Variants in MAJIN observed in about 807,000 individuals in gnomAD.
MAJIN encodes the protein membrane-anchored junction protein.
Under a neutral mutation model 30.2 loss-of-function variants are expected in MAJIN, and 27 were observed. The observed-to-expected ratio is 0.89, with a 90% CI of 0.66 to 1.23. The LOEUF (loss-of-function observed/expected upper bound fraction) is 1.23. Ranked by LOEUF, MAJIN falls within the 50% of genes most tolerant of loss-of-function variation. The probability of loss-of-function intolerance (pLI) is 0.00; values close to 1 mark genes in which losing one functional copy is unlikely to be tolerated. For synonymous variants in MAJIN, 78 were observed against 91.6 expected (o/e 0.85, Z 0.85); for missense variants, 253 against 260.3 (o/e 0.97, Z 0.19).
intron 4 of MAJIN, among the ~76,000 whole-genome samples, chr11:64,951,421 C>G (rs1945549181): frequency 6.6e-6 from 1 of 152,108 alleles, no homozygotes; most frequent in South Asian, 2.1e-4. Context: ...TCAATCCCAG[C>G]CTTGTCATTT....
rs58387921 is a variant in MAJIN at position 64,966,145 on chromosome 11, GAAAA to G, written c.-65+5728_-65+5731del. ...ACATGTAAGGAAGAAGATTAAAAAT[GAAAA>G]AAAAAAAAAAAAAAAAGCAGCAGCA... On this transcript the variant is annotated intron_variant, in intron 1 of 10. Coordinates refer to ENST00000301896, the MANE Select transcript of MAJIN (RefSeq NM_001037225.3). Among the ~76,000 whole-genome samples, 3 of 57,100 alleles carry G rather than the reference GAAAA, an allele frequency of 5.3e-5. No individual in the cohort carries two copies. The Admixed American group carries it at 8.9e-4, about 17-fold the overall frequency. The allele number at this position is 57,100 out of a possible 152,430, so 37.5% of individuals were successfully genotyped here. A position where few individuals can be genotyped will look rare whatever the true frequency, so the allele number is the denominator to read the frequency against.
intron 1 of MAJIN, among the ~76,000 whole-genome samples, chr11:64,962,742 G>GT (rs906677747): frequency 6.6e-5 from 10 of 152,288 alleles, no homozygotes; most frequent in African/African-American, 9.6e-5. Flanking sequence ...AGATAATGCT[G>GT]TAAGTAGCTA....
intron 3 of MAJIN, among the ~76,000 whole-genome samples, chr11:64,958,204 C>G (rs938664003): frequency 3.3e-5 from 5 of 151,576 alleles, no homozygotes; most frequent in Non-Finnish European, 7.4e-5. Flanking sequence ...CCCACCTCGG[C>G]CTCCCAAAGT....
chr11:64,969,158 G>A (rs1463178592), intron 1 of MAJIN, among the ~76,000 whole-genome samples: 2 of 152,202 alleles, frequency 1.3e-5, no homozygotes, highest in East Asian at 3.8e-4. Flanking sequence ...TAGGGAAAGA[G>A]ATTTGGGGTG....
chr11:64,964,073 A>G (rs1945768920), intron 1 of MAJIN, among the ~76,000 whole-genome samples: 1 of 152,038 alleles, frequency 6.6e-6, no homozygotes, highest in Non-Finnish European at 1.5e-5. Flanking sequence ...CCTCCCACGT[A>G]GCTGGGATTA....
At chr11:64,971,427 C>CAAA (rs35873962) in intron 1 of MAJIN, among the ~76,000 whole-genome samples, 1 of 68,798 alleles carries the variant, frequency 1.5e-5, no homozygotes, top group Non-Finnish European at 2.8e-5. Context: ...GACCCCGCCT[C>CAAA]AAAAAAAAAA....
chr11:64,957,257 T>C (rs1268074620), intron 3 of MAJIN, among the ~76,000 whole-genome samples: 4 of 151,890 alleles, frequency 2.6e-5, no homozygotes, highest in Non-Finnish European at 5.9e-5. Flanking sequence ...TTCTTTTATT[T>C]TTTGTAGAGA....
At chr11:64,962,896 G>C (rs1174269507) in intron 1 of MAJIN, among the ~76,000 whole-genome samples, 1 of 152,098 alleles carries the variant, frequency 6.6e-6, no homozygotes, top group Non-Finnish European at 1.5e-5. Flanking sequence ...GGAGGCTCAG[G>C]TGGGCAGACC....
intron 8 of MAJIN, among the ~76,000 whole-genome samples, chr11:64,943,552 C>T (rs1200932035): frequency 6.6e-6 from 1 of 152,234 alleles, no homozygotes; most frequent in Non-Finnish European, 1.5e-5. Context: ...AAGTGACTTA[C>T]ACTGAGAGTC....
chr11:64,967,999 C>T lies in MAJIN; in HGVS notation c.-65+3878G>A, dbSNP rs568636443. Among the ~76,000 whole-genome samples, 16 of 152,128 alleles carry T rather than the reference C, an allele frequency of 1.1e-4. 1 individual carries two copies. The South Asian group carries it at 3.3e-3, about 32-fold the overall frequency. On this transcript the variant is annotated intron_variant, in intron 1 of 10. Coordinates refer to ENST00000301896, the MANE Select transcript of MAJIN (RefSeq NM_001037225.3). Reference sequence around the variant, plus strand: ...TAAATCACAACTGACTTGAGGCCTTCATGGAAAGGAGCAACGATCACGGGG... The same window carrying T: ...TAAATCACAACTGACTTGAGGCCTTTATGGAAAGGAGCAACGATCACGGGG...
chr11:64,959,160 T>G, intron 3 of MAJIN, 145 bp downstream of exon 3: 1 of 526,932 alleles, frequency 1.9e-6, no homozygotes, highest in Non-Finnish European at 3.4e-6. Flanking sequence ...ATATACTGAA[T>G]ATAAAATTCC....
chr11:64,966,785 C>T (rs1359693248), intron 1 of MAJIN, among the ~76,000 whole-genome samples: 1 of 151,528 alleles, frequency 6.6e-6, no homozygotes, highest in African/African-American at 2.4e-5. Context: ...AATACAAAAA[C>T]TAGCTGGGCA....
chr11:64,940,668 A>T (rs1453017678), intron 8 of MAJIN, 22 bp from the exon 9 acceptor site: 2 of 1,609,318 alleles, frequency 1.2e-6, no homozygotes, highest in Non-Finnish European at 1.7e-6. Flanking sequence ...AAGACCAAGA[A>T]AAGCCTTAAA....
chr11:64,969,539 G>A (rs945165189), intron 1 of MAJIN, among the ~76,000 whole-genome samples: 4 of 151,798 alleles, frequency 2.6e-5, no homozygotes, highest in East Asian at 1.9e-4. Flanking sequence ...GAAACAACCC[G>A]GAACAAGAAC....
chr11:64,966,549 G>C (rs1227411456), intron 1 of MAJIN, among the ~76,000 whole-genome samples: 6 of 151,794 alleles, frequency 4.0e-5, no homozygotes, highest in Admixed American at 3.3e-4. Flanking sequence ...AAAAAGAAAA[G>C]AAAAGAAAAA....
intron 8 of MAJIN, among the ~76,000 whole-genome samples, chr11:64,944,310 C>T (rs1020844980): frequency 1.2e-4 from 19 of 152,218 alleles, no homozygotes; most frequent in African/African-American, 4.3e-4. Flanking sequence ...GAATCCTTCC[C>T]TCCTGGCCAC....
Position 64,947,391 on chromosome 11 carries a change from G to C in MAJIN, c.456C>G (p.Ser152Arg), listed in dbSNP as rs1437902477. The C allele has an allele frequency of 1.2e-6, 2 of 1,613,486 alleles. No individual in the cohort carries two copies. The highest frequency in any genetic ancestry group is 1.1e-5 in the South Asian group (1 of 91,070). ...RKHMDEPSSP[S>R]RPGLDRIGKE... is the part of the protein sequence containing the mutation. ...CCACTGACCTGTCCAGCCCTGGCCT[G>C]CTGGGGGAGCTGGGCTCGTCCATGT... Residue 152 changes from serine to arginine, a missense_variant, in exon 8 of 11, where the codon AGC (serine) becomes AGG (arginine). Physicochemically the swap from Ser to Arg is moderately radical, Grantham distance 110. Coordinates refer to ENST00000301896, the MANE Select transcript of MAJIN (RefSeq NM_001037225.3).
intron 1 of MAJIN, among the ~76,000 whole-genome samples, chr11:64,961,971 G>A (rs926666689): frequency 1.3e-5 from 2 of 151,736 alleles, no homozygotes; most frequent in Non-Finnish European, 2.9e-5. Context: ...AAAATTTTTG[G>A]AGACAGGGTC....
intron 1 of MAJIN, among the ~76,000 whole-genome samples, chr11:64,963,992 G>A (rs1945767657): frequency 6.6e-6 from 1 of 152,184 alleles, no homozygotes; most frequent in Non-Finnish European, 1.5e-5. Context: ...TGCCCAAGCT[G>A]GAGTGCAGTA....
Sources: gnomAD v4.1 joint callset for allele counts (sites outside exome capture counted in the v4.1 genomes callset) on GRCh38, gnomAD v4.1.1 for gene constraint, MANE v1.5 for transcripts, NCBI Gene and HGNC (gene_info 2026-07-23, HGNC 2026-07-21) for gene names.